CDC42EP4: variants seen among roughly 807,000 people sequenced by gnomAD.
CDC42EP4 encodes CDC42 effector protein 4.
A neutral mutation model predicts 5.6 loss-of-function variants in CDC42EP4; 6 were observed. The ratio of observed to expected loss-of-function variants is 1.07; its 90% confidence interval spans 0.59 to 2.12. CDC42EP4 has a LOEUF of 2.12. Ranked by LOEUF, CDC42EP4 falls within the 30% of genes most tolerant of loss-of-function variation. The pLI is 0.00. For missense variants in CDC42EP4, 490 were observed against 508.6 expected (o/e 0.96, Z 0.35); for synonymous variants, 230 against 224.2 (o/e 1.03, Z -0.23).
At chr17:73,293,417 G>T (rs1313318457) in intron 1 of CDC42EP4, among the ~76,000 whole-genome samples, 9 of 152,176 alleles carry the variant, frequency 5.9e-5, no homozygotes, top group Non-Finnish European at 8.8e-5. Context: ...ATTGTGGAGG[G>T]CCCAGACCAG....
At chr17:73,288,272 C>T (rs1599429677) in intron 1 of CDC42EP4, among the ~76,000 whole-genome samples, 3 of 152,272 alleles carry the variant, frequency 2.0e-5, no homozygotes, top group East Asian at 3.9e-4. Flanking sequence ...GGCAGATTCT[C>T]GCCCTGTCCC....
intron 1 of CDC42EP4, among the ~76,000 whole-genome samples, chr17:73,289,155 G>T (rs2062148423): frequency 6.6e-6 from 1 of 152,170 alleles, no homozygotes; most frequent in Non-Finnish European, 1.5e-5. Flanking sequence ...TCTCGGCCTT[G>T]TGGCTGATAG....
At chr17:73,296,387 C>A in intron 1 of CDC42EP4, among the ~76,000 whole-genome samples, 1 of 142,638 alleles carries the variant, frequency 7.0e-6, no homozygotes. Context: ...CATTGCACTC[C>A]AGCCTGGGCA....
intron 1 of CDC42EP4, among the ~76,000 whole-genome samples, chr17:73,307,741 C>A (rs1302184464): frequency 6.7e-6 from 1 of 149,770 alleles, no homozygotes; most frequent in African/African-American, 2.5e-5. Flanking sequence ...AGCCACCACG[C>A]CTGGCCCTGA....
At chr17:73,288,408 A>ATT (rs749501604) in intron 1 of CDC42EP4, among the ~76,000 whole-genome samples, 3,999 of 137,550 alleles carry the variant, frequency 0.029, 198 homozygotes, top group African/African-American at 0.099. Flanking sequence ...ACGTCCAGCT[A>ATT]TTTTTTTTTT....
Position 73,285,286 on chromosome 17 carries a change from G to A in CDC42EP4, c.*144C>T. Reference sequence around the variant, plus strand: ...CTCCGAAGACCCGAGGGCCAGGCCAGTGTCCCTCATCTACAAGGTCCAGGG... The same window carrying A: ...CTCCGAAGACCCGAGGGCCAGGCCAATGTCCCTCATCTACAAGGTCCAGGG... On this transcript the variant is annotated 3_prime_UTR_variant, in exon 2 of 2. Coordinates refer to ENST00000335793, the MANE Select transcript of CDC42EP4 (RefSeq NM_012121.5). This position sits in a 1 kb window ranked among gnomAD's most constrained non-coding sequence, Gnocchi z 6.8. 3.1e-6 allele frequency: 2 copies of A among 650,026 alleles called. No homozygotes were observed. Among genetic ancestry groups the A allele is most frequent in the Non-Finnish European group, 5.1e-6 (2 of 390,410 alleles). The allele number at this position is 650,026 out of a possible 1,614,324, so 40.3% of individuals were successfully genotyped here.
rs1250783311 is a variant in CDC42EP4 at position 73,286,227 on chromosome 17, C to A, written c.274G>T (p.Val92Leu). Residue 92 changes from valine to leucine, a missense_variant, in exon 2 of 2, where the codon GTG becomes TTG. Transcript: ENST00000335793. The surrounding 1 kb of genome is among the most constrained non-coding windows in gnomAD (Gnocchi z 7.7). ...KFRGSKRSQS[V>L]TRGEREQRDM... ...CGCTGCTCCCGCTCCCCCCTGGTCA[C>A]CGACTGTGACCGCTTGCTGCCCCGG... 6.2e-7 allele frequency: 1 copy of A among 1,614,196 alleles called. No individual in the cohort carries two copies.
At chr17:73,288,290 G>A (rs575590080) in intron 1 of CDC42EP4, among the ~76,000 whole-genome samples, 34 of 152,260 alleles carry the variant, frequency 2.2e-4, no homozygotes, top group Admixed American at 4.6e-4. Context: ...CCCCCAGGCC[G>A]GAGTGTAATG....
intron 1 of CDC42EP4, among the ~76,000 whole-genome samples, chr17:73,288,872 C>CG (rs1295373405): frequency 3.9e-5 from 6 of 152,200 alleles, no homozygotes; most frequent in South Asian, 2.1e-4. Context: ...AAAGTTCTCT[C>CG]GGGCAGGGAG....
chr17:73,305,568 C>T (rs924255246), intron 1 of CDC42EP4, among the ~76,000 whole-genome samples: 4 of 152,238 alleles, frequency 2.6e-5, no homozygotes, highest in African/African-American at 9.6e-5. Flanking sequence ...CATCTTGGCC[C>T]TGCCGGAAGT....
chr17:73,308,894 C>A (rs1013469707), intron 1 of CDC42EP4, among the ~76,000 whole-genome samples: 1 of 151,450 alleles, frequency 6.6e-6, no homozygotes, highest in Non-Finnish European at 1.5e-5. Context: ...AAAAATTAGC[C>A]GGGCGTGGTG....
At chr17:73,294,782 G>T (rs944458676) in intron 1 of CDC42EP4, among the ~76,000 whole-genome samples, 1 of 152,046 alleles carries the variant, frequency 6.6e-6, no homozygotes, top group African/African-American at 2.4e-5. Context: ...GTTTTGGTGT[G>T]TTCTTTCTAA....
intron 1 of CDC42EP4, among the ~76,000 whole-genome samples, chr17:73,292,745 G>A (rs1164224010): frequency 6.6e-6 from 1 of 152,226 alleles, no homozygotes; most frequent in Non-Finnish European, 1.5e-5. Context: ...ATAGGAACAG[G>A]CTTGTGGCAT....
intron 1 of CDC42EP4, among the ~76,000 whole-genome samples, chr17:73,300,883 T>C (rs2062215837): frequency 6.6e-6 from 1 of 151,792 alleles, no homozygotes; most frequent in Admixed American, 6.6e-5. Flanking sequence ...CCCATCTCTA[T>C]TAAAATACAA....
chr17:73,308,139 C>A (rs879884521), intron 1 of CDC42EP4, among the ~76,000 whole-genome samples: 1 of 152,180 alleles, frequency 6.6e-6, no homozygotes, highest in African/African-American at 2.4e-5. Flanking sequence ...AGTTCCCTGC[C>A]GAGAGAGGGC....
At chr17:73,308,912 C>A (rs1170607716) in intron 1 of CDC42EP4, among the ~76,000 whole-genome samples, 1 of 151,476 alleles carries the variant, frequency 6.6e-6, no homozygotes, top group Non-Finnish European at 1.5e-5. Context: ...GTGGCATGCA[C>A]CTATAATCCC....
rs2062121843 is a variant in CDC42EP4, at chr17:73,284,851, T to C, written c.*579A>G. ...TGGAAAGGGCTGCGTTTAGTGCACA[T>C]GCTCGCAGCTGGCCCCCCGTCCAGC... On this transcript the variant is annotated 3_prime_UTR_variant, in exon 2 of 2. Transcript: ENST00000335793. 1 of 152,218 alleles carries C rather than the reference T, an allele frequency of 6.6e-6. No individual in the cohort carries two copies. Among genetic ancestry groups the C allele is most frequent in the Non-Finnish European group, 1.5e-5 (1 of 68,060 alleles). 9.4% of individuals were successfully genotyped at this position (152,218 alleles called of 1,614,324 possible).
At chr17:73,287,496 A>G (rs1275230209) in intron 1 of CDC42EP4, among the ~76,000 whole-genome samples, 6 of 152,160 alleles carry the variant, frequency 3.9e-5, no homozygotes, top group Admixed American at 2.0e-4. Flanking sequence ...AAAAAACAGC[A>G]GAGGTAGAGC....
chr17:73,286,691 C>T lies in CDC42EP4; in HGVS notation c.-112-79G>A, dbSNP rs1044114221. The stretch of plus-strand genomic sequence containing the variant: ...AAAAGCCTCTTTGCCAGGGGACTGT[C>T]ATTTAAACCCCAGCGCTCCTACCAA... On this transcript the variant is annotated intron_variant, in intron 1 of 1. Coordinates refer to ENST00000335793, the MANE Select transcript of CDC42EP4 (RefSeq NM_012121.5). This position sits in a 1 kb window ranked among gnomAD's most constrained non-coding sequence, Gnocchi z 7.7. 1.7e-6 allele frequency: 1 copy of T among 583,336 alleles called. No homozygotes were observed. Among genetic ancestry groups the T allele is most frequent in the African/African-American group, 1.9e-5 (1 of 53,682 alleles). The allele number at this position is 583,336 out of a possible 1,614,324, so 36.1% of individuals were successfully genotyped here.
Sources: gnomAD v4.1 joint callset for allele counts (sites outside exome capture counted in the v4.1 genomes callset) on GRCh38, gnomAD v4.1.1 for gene constraint, Gnocchi (gnomAD v3.1) non-coding constraint, MANE v1.5 for transcripts, NCBI Gene and HGNC (gene_info 2026-07-23, HGNC 2026-07-21) for gene names.